Variants in PDE4D observed in about 807,000 individuals in gnomAD.
The protein encoded by PDE4D is 3',5'-cyclic-AMP phosphodiesterase 4D.
In PDE4D, 24 loss-of-function variants were observed where a neutral mutation model predicts 87.4. That is an observed-to-expected ratio of 0.27 (90% CI 0.20 to 0.39). The LOEUF (loss-of-function observed/expected upper bound fraction) is 0.39. Ranked by LOEUF, PDE4D falls within the 10% of genes least tolerant of loss-of-function variation. The pLI is 1.00. For missense variants in PDE4D, 714 were observed against 1,041.0 expected (o/e 0.69, Z 4.32); for synonymous variants, 384 against 383.2 (o/e 1.00, Z -0.02).
chr5:59,139,808 A>C (rs1777637158), intron 5 of PDE4D, among the ~76,000 whole-genome samples: 1 of 152,000 alleles, frequency 6.6e-6, no homozygotes, highest in South Asian at 2.1e-4. Flanking sequence ...AAAACTAAAA[A>C]ACTAAAAAAA....
chr5:59,657,697 T>C (rs1282397796), intron 1 of PDE4D, among the ~76,000 whole-genome samples: 1 of 152,208 alleles, frequency 6.6e-6, no homozygotes. Context: ...AGAATATTAT[T>C]CAATAAAATC....
At chr5:59,729,048 T>A (rs1757008490) in intron 1 of PDE4D, among the ~76,000 whole-genome samples, 3 of 152,274 alleles carry the variant, frequency 2.0e-5, no homozygotes, top group African/African-American at 7.2e-5. Flanking sequence ...GTTTCACAAA[T>A]GTCATGGTTT....
intron 2 of PDE4D, among the ~76,000 whole-genome samples, chr5:59,198,727 A>G (rs1746052155): frequency 6.6e-6 from 1 of 151,962 alleles, no homozygotes; most frequent in South Asian, 2.1e-4. Context: ...TCTATTCTCT[A>G]TTCCCCCTCC....
chr5:59,238,942 C>T (rs1354757589), intron 1 of PDE4D, among the ~76,000 whole-genome samples: 2 of 152,076 alleles, frequency 1.3e-5, no homozygotes, highest in Admixed American at 6.6e-5. Flanking sequence ...CTAGAGACAA[C>T]GTTAAGATGA....
intron 3 of PDE4D, among the ~76,000 whole-genome samples, chr5:59,972,818 C>T (rs535064940): frequency 3.3e-4 from 50 of 152,158 alleles, no homozygotes; most frequent in Admixed American, 2.3e-3. Flanking sequence ...AGATCAGGCT[C>T]CCAGACCTGG....
At chr5:59,619,787 T>A (rs1404099366) in intron 1 of PDE4D, among the ~76,000 whole-genome samples, 1 of 151,806 alleles carries the variant, frequency 6.6e-6, no homozygotes, top group Non-Finnish European at 1.5e-5. Context: ...TAAGAAAAAA[T>A]TTCCTGGATT....
chr5:59,392,450 G>C (rs1454800334), intron 1 of PDE4D, among the ~76,000 whole-genome samples: 3 of 150,614 alleles, frequency 2.0e-5, no homozygotes, highest in African/African-American at 7.3e-5. Flanking sequence ...GGAACGTTGT[G>C]ATTACGTGAG....
intron 1 of PDE4D, among the ~76,000 whole-genome samples, chr5:59,357,914 C>A (rs1225353689): frequency 1.3e-5 from 2 of 152,130 alleles, no homozygotes; most frequent in East Asian, 3.9e-4. Flanking sequence ...AGGGAGAGCG[C>A]CACTTCTTCA....
chr5:59,772,703 G>A (rs1302814345), intron 1 of PDE4D, among the ~76,000 whole-genome samples: 1 of 152,166 alleles, frequency 6.6e-6, no homozygotes, highest in Non-Finnish European at 1.5e-5. Flanking sequence ...CTCAGCTATG[G>A]AAAACATTGT....
At chr5:59,264,360 A>G (rs1164757867) in intron 1 of PDE4D, among the ~76,000 whole-genome samples, 1 of 152,056 alleles carries the variant, frequency 6.6e-6, no homozygotes, top group East Asian at 1.9e-4. Flanking sequence ...ATTTACATGA[A>G]AAAGATCTTG....
At chr5:59,590,677 G>C (rs1825803420) in intron 1 of PDE4D, among the ~76,000 whole-genome samples, 1 of 152,016 alleles carries the variant, frequency 6.6e-6, no homozygotes, top group Non-Finnish European at 1.5e-5. Flanking sequence ...AGCTCTACTA[G>C]AGCAAAGACT....
At chr5:59,353,631 C>T (rs1307588970) in intron 1 of PDE4D, among the ~76,000 whole-genome samples, 1 of 152,034 alleles carries the variant, frequency 6.6e-6, no homozygotes, top group Non-Finnish European at 1.5e-5. Flanking sequence ...CTCTTCTGGG[C>T]TCACAGAGAA....
chr5:60,016,880 T>C (rs1404444117), intron 2 of PDE4D, among the ~76,000 whole-genome samples: 1 of 152,236 alleles, frequency 6.6e-6, no homozygotes. Flanking sequence ...ATAAATGTTC[T>C]TAATTGTATC....
chr5:59,950,088 T>G (rs1481624946), intron 3 of PDE4D, among the ~76,000 whole-genome samples: 3 of 152,220 alleles, frequency 2.0e-5, no homozygotes, highest in Non-Finnish European at 4.4e-5. Flanking sequence ...ATGGTATCTA[T>G]CCTAAATGTT....
chr5:59,539,363 TAC>T (rs1815876005), intron 1 of PDE4D, among the ~76,000 whole-genome samples: 1 of 152,266 alleles, frequency 6.6e-6, no homozygotes, highest in African/African-American at 2.4e-5. Context: ...CTCCCTGCAA[TAC>T]AGTTTCACCC....
At chr5:59,843,052 T>G (rs1025751087) in intron 1 of PDE4D, among the ~76,000 whole-genome samples, 10 of 152,060 alleles carry the variant, frequency 6.6e-5, no homozygotes, top group African/African-American at 2.4e-4. Flanking sequence ...TTTCACTAAT[T>G]GTATAAAAAA....
intron 6 of PDE4D, chr5:59,002,215 G>A: frequency 2.9e-6 from 1 of 348,708 alleles, no homozygotes; most frequent in South Asian, 2.2e-5. Flanking sequence ...CTGGTACTGA[G>A]AACAAGAATT....
intron 1 of PDE4D, among the ~76,000 whole-genome samples, chr5:60,306,244 T>C (rs1198633570): frequency 6.6e-6 from 1 of 151,914 alleles, no homozygotes; most frequent in Non-Finnish European, 1.5e-5. Flanking sequence ...AAAGAATAAA[T>C]CCAAATTGTA....
intron 3 of PDE4D, among the ~76,000 whole-genome samples, chr5:59,899,868 T>C (rs1581658877): frequency 6.6e-6 from 1 of 152,324 alleles, no homozygotes; most frequent in South Asian, 2.1e-4. Flanking sequence ...AGGAAGTCCA[T>C]GCTGGTCATG....
Sources: allele counts gnomAD v4.1 joint callset (sites outside exome capture counted in the v4.1 genomes callset), GRCh38; gene constraint gnomAD v4.1.1; transcripts MANE v1.5; gene names NCBI Gene and HGNC (gene_info 2026-07-23, HGNC 2026-07-21).